NFIB: variants seen among roughly 807,000 people sequenced by gnomAD.
NFIB encodes the protein nuclear factor I B.
Under a neutral mutation model 61.5 loss-of-function variants are expected in NFIB, and 11 were observed. That is an observed-to-expected ratio of 0.18 (90% confidence interval 0.11 to 0.30). NFIB has a LOEUF of 0.30. Among genes scored for constraint, NFIB ranks in the 10% least tolerant of loss-of-function variants. NFIB has a pLI of 1.00. For missense variants in NFIB, 471 were observed against 608.9 expected (o/e 0.77, Z 2.38); for synonymous variants, 260 against 216.5 (o/e 1.20, Z -1.76).
chr9:14,287,152 C>A (rs1563977146), intron 2 of NFIB, among the ~76,000 whole-genome samples: 1 of 152,034 alleles, frequency 6.6e-6, no homozygotes, highest in African/African-American at 2.4e-5. Context: ...CTATTATAGG[C>A]CGGGCGCGGT....
chr9:14,515,041 G>A, the NFIB span, among the ~76,000 whole-genome samples: 4 of 152,136 alleles, frequency 2.6e-5, no homozygotes, highest in African/African-American at 9.7e-5. Context: ...GCAGAGAATT[G>A]AGACTAAAAG....
intron 1 of NFIB, among the ~76,000 whole-genome samples, chr9:14,325,375 C>T (rs1229067089): frequency 6.6e-6 from 1 of 152,094 alleles, no homozygotes; most frequent in African/African-American, 2.4e-5. Flanking sequence ...TTTTCTGCTT[C>T]TTCCTAAAGC....
At chr9:14,334,194 A>G (rs1482566737) in intron 1 of NFIB, among the ~76,000 whole-genome samples, 4 of 152,230 alleles carry the variant, frequency 2.6e-5, no homozygotes, top group Non-Finnish European at 4.4e-5. Context: ...CATGTTTTCT[A>G]TTACACATAT....
chr9:14,243,398 T>C (rs2054549264), intron 2 of NFIB, among the ~76,000 whole-genome samples: 1 of 152,158 alleles, frequency 6.6e-6, no homozygotes, highest in Admixed American at 6.6e-5. Context: ...CAAATCTGGA[T>C]AAGTAAGAGA....
chr9:14,313,667 GTCC>G lies in NFIB; in HGVS notation c.-159_-157del. On this transcript the variant is annotated 5_prime_UTR_variant, in exon 1 of 11. Transcript: ENST00000380953. This position sits in a 1 kb window ranked among gnomAD's most constrained non-coding sequence, Gnocchi z 4.5. ...TCACCGCAACTTCACAACAAACCCA[GTCC>G]TCCTTAAATAGCCAAAGATTCAAGT... 6.7e-7 allele frequency: 1 copy of G among 1,482,632 alleles called. No individual in the cohort carries two copies. Among genetic ancestry groups the G allele is most frequent in the Non-Finnish European group, 9.0e-7 (1 of 1,116,498 alleles). The allele number at this position is 1,482,632 out of a possible 1,614,324, so 91.8% of individuals were successfully genotyped here.
chr9:14,371,835 A>G (rs1473752248), intron 1 of NFIB, among the ~76,000 whole-genome samples: 2 of 152,160 alleles, frequency 1.3e-5, no homozygotes, highest in African/African-American at 2.4e-5. Flanking sequence ...ACCAACTGCT[A>G]TTTGTCAATG....
In NFIB at chr9:14,116,273, G is replaced by T. The variant is rs1347543235; in HGVS notation, c.1319C>A (p.Pro440His). Reference protein sequence around the residue: ...FTPVLAPSPHPSAVRPVTLSM... With the variant: ...FTPVLAPSPHHSAVRPVTLSM... ...CAGGGTCACAGGTCGCACTGCACTGGGATGGGGAGAGGGTGCCAAGACAGG... is the reference window on the plus strand; with the variant it reads ...CAGGGTCACAGGTCGCACTGCACTGTGATGGGGAGAGGGTGCCAAGACAGG... Residue 440 changes from proline (P) to histidine (H), a missense_variant, in exon 9 of 11, where the codon CCC becomes CAC. Pro to His is a moderately conservative substitution (Grantham distance 77, BLOSUM62 -2). Around this residue, in one of 2 missense-constraint regions of NFIB, gnomAD observed 372 missense variants for 395.6 expected, o/e 0.94. Coordinates refer to ENST00000380953, the MANE Select transcript of NFIB (RefSeq NM_001190737.2). 40 of 1,538,242 alleles carry T rather than the reference G, an allele frequency of 2.6e-5. No individual in the cohort carries two copies. The highest frequency in any genetic ancestry group is 3.4e-5 in the Non-Finnish European group (39 of 1,140,224).
chr9:14,287,291 C>T (rs1174596895), intron 2 of NFIB, among the ~76,000 whole-genome samples: 3 of 151,616 alleles, frequency 2.0e-5, no homozygotes, highest in Admixed American at 6.6e-5. Flanking sequence ...ATTAGCTGGG[C>T]GTGGTGGCGG....
intron 2 of NFIB, among the ~76,000 whole-genome samples, chr9:14,252,728 C>T (rs1351936379): frequency 2.0e-5 from 3 of 152,094 alleles, no homozygotes; most frequent in Admixed American, 6.5e-5. Flanking sequence ...AACAAGATCA[C>T]GAGAACAGGC....
intron 10 of NFIB, among the ~76,000 whole-genome samples, chr9:14,101,961 A>AT (rs915056257): frequency 2.0e-5 from 3 of 151,900 alleles, no homozygotes; most frequent in Admixed American, 6.6e-5. Context: ...ATTTTTTGCT[A>AT]TTTTTTTTCC....
intron 2 of NFIB, among the ~76,000 whole-genome samples, chr9:14,278,682 T>C (rs1462575305): frequency 2.6e-5 from 4 of 152,178 alleles, no homozygotes; most frequent in African/African-American, 9.7e-5. Context: ...TATAATGTTA[T>C]TGACTGTTTT....
At chr9:14,489,617 G>A in the NFIB span, among the ~76,000 whole-genome samples, 38 of 152,048 alleles carry the variant, frequency 2.5e-4, no homozygotes, top group African/African-American at 8.4e-4. Flanking sequence ...CTAGCCTCCT[G>A]GTTCTCCTCC....
chr9:14,498,944 T>C, the NFIB span, among the ~76,000 whole-genome samples: 1 of 152,046 alleles, frequency 6.6e-6, no homozygotes, highest in Non-Finnish European at 1.5e-5. Flanking sequence ...GTTCCTGCCT[T>C]CAGAGCTTTA....
chr9:14,157,919 T>G (rs2043630615), intron 3 of NFIB, among the ~76,000 whole-genome samples: 1 of 152,020 alleles, frequency 6.6e-6, no homozygotes, highest in Non-Finnish European at 1.5e-5. Context: ...GAGACCAGCC[T>G]GGCCAATATG....
chr9:14,228,773 T>C (rs1296471033), intron 2 of NFIB, among the ~76,000 whole-genome samples: 1 of 152,234 alleles, frequency 6.6e-6, no homozygotes, highest in Non-Finnish European at 1.5e-5. Context: ...TCTTTGTAAC[T>C]GTATTTTAAT....
the NFIB span, among the ~76,000 whole-genome samples, chr9:14,410,344 G>C: frequency 6.6e-6 from 1 of 152,090 alleles, no homozygotes; most frequent in Non-Finnish European, 1.5e-5. Context: ...TATTTCAGTT[G>C]TCTGAGTCCT....
chr9:14,187,027 ATG>A (rs71491637), intron 2 of NFIB, among the ~76,000 whole-genome samples: 11,572 of 60,520 alleles, frequency 0.19, 630 homozygotes, highest in East Asian at 0.38. Flanking sequence ...GTGTGTGTGT[ATG>A]TGTGTGTGTG....
chr9:14,175,275 G>C (rs573576128), intron 3 of NFIB, among the ~76,000 whole-genome samples: 1 of 138,884 alleles, frequency 7.2e-6, no homozygotes, highest in Non-Finnish European at 1.5e-5. Flanking sequence ...CCAGGTTCAC[G>C]CCACTCTCCT....
At chr9:14,111,726 C>G (rs1045598679) in intron 10 of NFIB, among the ~76,000 whole-genome samples, 1 of 152,072 alleles carries the variant, frequency 6.6e-6, no homozygotes, top group Non-Finnish European at 1.5e-5. Flanking sequence ...GCTGGCAAAA[C>G]CACTAATTAT....
Sources: gnomAD v4.1 joint callset for allele counts (sites outside exome capture counted in the v4.1 genomes callset) on GRCh38, gnomAD v4.1.1 for gene constraint, gnomAD v4.1.1 regional missense constraint, Gnocchi (gnomAD v3.1) non-coding constraint, MANE v1.5 for transcripts, NCBI Gene and HGNC (gene_info 2026-07-23, HGNC 2026-07-21) for gene names.